Variants in ZNF735 observed in about 807,000 individuals in gnomAD.
ZNF735 encodes zinc finger protein 735.
A neutral mutation model predicts 13.4 loss-of-function variants in ZNF735; 11 were observed. That is an observed-to-expected ratio of 0.82 (90% CI 0.52 to 1.36). The LOEUF (loss-of-function observed/expected upper bound fraction) is 1.36, where lower values mean the gene tolerates loss of function less well. Ranked by LOEUF, ZNF735 falls within the 40% of genes most tolerant of loss-of-function variation. ZNF735 has a pLI of 0.00. For synonymous variants in ZNF735, 171 were observed against 162.6 expected (o/e 1.05, Z -0.39); for missense variants, 500 against 484.6 (o/e 1.03, Z -0.30).
chr7:64,207,754 C>G (rs141089539), intron 1 of ZNF735, among the ~76,000 whole-genome samples: 1 of 152,046 alleles, frequency 6.6e-6, no homozygotes, highest in African/African-American at 2.4e-5. Flanking sequence ...TTTGGGAGGC[C>G]GAGGCGGGCG....
chr7:64,216,251 G>A (rs182280246), intron 3 of ZNF735, among the ~76,000 whole-genome samples: 3 of 150,906 alleles, frequency 2.0e-5, no homozygotes, highest in East Asian at 1.9e-4. Context: ...AGCCAAGATC[G>A]CACCACTTCA....
intron 3 of ZNF735, among the ~76,000 whole-genome samples, chr7:64,218,670 C>A (rs1475793392): frequency 6.6e-6 from 1 of 151,720 alleles, no homozygotes; most frequent in Non-Finnish European, 1.5e-5. Flanking sequence ...TTTGATTGGA[C>A]CATGTTGCCC....
intron 1 of ZNF735, among the ~76,000 whole-genome samples, chr7:64,208,962 C>T (rs985014872): frequency 6.6e-6 from 1 of 152,216 alleles, no homozygotes; most frequent in Non-Finnish European, 1.5e-5. Flanking sequence ...TTTATCCAGT[C>T]TACCACTGAA....
rs184596869 is a variant in ZNF735, at chr7:64,207,784, C to T, written c.39+543C>T. ...CGGGCGGATCACGAGGTCAGGTGTT[C>T]GAGACCAGCATGACCAACATGGTAA... On this transcript the variant is annotated intron_variant, in intron 1 of 3. Coordinates refer to ENST00000429565, the Ensembl canonical transcript of ZNF735. 7.5e-3 allele frequency among the ~76,000 whole-genome samples: 1,142 copies of T among 152,178 alleles called. 9 individuals carry two copies. Among genetic ancestry groups the T allele is most frequent in the Non-Finnish European group, 0.011 (764 of 67,998 alleles).
chr7:64,209,147 C>T (rs1476891682), intron 1 of ZNF735, among the ~76,000 whole-genome samples: 1 of 151,110 alleles, frequency 6.6e-6, no homozygotes. Context: ...AACTGTTTTT[C>T]TCAATGGTTA....
intron 1 of ZNF735, among the ~76,000 whole-genome samples, chr7:64,209,938 T>C (rs1787336652): frequency 6.6e-6 from 1 of 152,214 alleles, no homozygotes; most frequent in East Asian, 1.9e-4. Context: ...AAGCTGATTA[T>C]TCAATTTTTA....
chr7:64,217,489 A>G (rs1199732727), intron 3 of ZNF735, among the ~76,000 whole-genome samples: 1 of 151,862 alleles, frequency 6.6e-6, no homozygotes, highest in Non-Finnish European at 1.5e-5. Context: ...TTGATTTTTT[A>G]TTTAAATTTT....
intron 3 of ZNF735, among the ~76,000 whole-genome samples, chr7:64,214,677 G>T (rs1388119397): frequency 6.6e-6 from 1 of 151,640 alleles, no homozygotes; most frequent in African/African-American, 2.4e-5. Context: ...TTGCTGTAGG[G>T]GGATATGCAA....
intron 3 of ZNF735, among the ~76,000 whole-genome samples, chr7:64,216,080 G>T (rs1171628440): frequency 6.6e-6 from 1 of 151,992 alleles, no homozygotes; most frequent in Admixed American, 6.6e-5. Flanking sequence ...TGGATCACGA[G>T]GTCAGGAGAT....
At chr7:64,209,218 C>T (rs1328972887) in intron 1 of ZNF735, among the ~76,000 whole-genome samples, 1 of 139,292 alleles carries the variant, frequency 7.2e-6, no homozygotes, top group Non-Finnish European at 1.6e-5. Flanking sequence ...ACCTCACAAG[C>T]ATCTGTTCCG....
intron 1 of ZNF735, among the ~76,000 whole-genome samples, chr7:64,209,801 A>G (rs1379114986): frequency 6.6e-6 from 1 of 152,180 alleles, no homozygotes; most frequent in Non-Finnish European, 1.5e-5. Context: ...GTTTAGTGAT[A>G]TACATTTTGT....
intron 3 of ZNF735, among the ~76,000 whole-genome samples, chr7:64,216,629 G>C (rs1307746798): frequency 6.6e-6 from 1 of 150,852 alleles, no homozygotes; most frequent in Non-Finnish European, 1.5e-5. Flanking sequence ...TTTGACACAG[G>C]GTTTCTCACT....
In ZNF735 at chr7:64,213,869, G is replaced by A. The variant is rs1787388925; in HGVS notation, c.167-144G>A. The A allele has an allele frequency of 3.2e-5, 21 of 650,374 alleles. No homozygotes were observed. In the South Asian group the frequency reaches 4.6e-4, roughly 14 times the overall value. The allele number at this position is 650,374 out of a possible 1,614,324, so 40.3% of individuals were successfully genotyped here. ...AGCTACTCAGGAGGCTGAGGCAGAA[G>A]CATTGCTTGCACCTGGGAAGTGGAG... is the stretch of plus-strand genomic sequence containing the variant. On this transcript the variant is annotated intron_variant, in intron 2 of 3. Transcript: ENST00000429565.
chr7:64,216,243 C>T (rs964947498), intron 3 of ZNF735, among the ~76,000 whole-genome samples: 6 of 151,650 alleles, frequency 4.0e-5, no homozygotes, highest in African/African-American at 1.5e-4. Context: ...TTGCAGTGAG[C>T]CAAGATCGCA....
rs1487303941 is a variant in ZNF735, at chr7:64,214,248, A to T, written c.262+140A>T. On this transcript the variant is annotated intron_variant, in intron 3 of 3. Coordinates refer to ENST00000429565, the Ensembl canonical transcript of ZNF735. ...GAAGCTTGAGTATTTTTTATTTTTT[A>T]TTTTTTTTATTTTTTTGCTCTCACA... The T allele has an allele frequency of 2.6e-5, 24 of 913,848 alleles. No homozygotes were observed. In the East Asian group the frequency reaches 5.1e-4, roughly 19 times the overall value. 56.6% of individuals were successfully genotyped at this position (913,848 alleles called of 1,614,324 possible). A position where few individuals can be genotyped will look rare whatever the true frequency, so the allele number is the denominator to read the frequency against.
At chr7:64,214,661 C>T (rs1016459669) in intron 3 of ZNF735, among the ~76,000 whole-genome samples, 2 of 151,690 alleles carry the variant, frequency 1.3e-5, no homozygotes, top group South Asian at 4.2e-4. Context: ...GGGTGGGTTA[C>T]GATACTTGCT....
In ZNF735 at chr7:64,219,690, C is replaced by A; in HGVS notation, c.639C>A (p.Tyr213Ter). The A allele has an allele frequency of 6.3e-7, 1 of 1,588,848 alleles. No individual in the cohort carries two copies. The highest frequency in any genetic ancestry group is 8.6e-7 in the Non-Finnish European group (1 of 1,166,212). ...TAATTCATACTAAGGAGAAGTCCTA[C>A]AAATGTGAAGAATGTGGCAAATCCT... The change falls in exon 4 of 4, where the codon TAC becomes TAA. Residue 213 changes from tyrosine to a stop codon, truncating the protein, a stop_gained. Transcript: ENST00000429565. LOFTEE classifies it low-confidence loss of function (END_TRUNC).
intron 1 of ZNF735, among the ~76,000 whole-genome samples, chr7:64,212,747 C>T (rs1584213767): frequency 6.7e-6 from 1 of 149,600 alleles, no homozygotes; most frequent in Admixed American, 6.7e-5. Context: ...GCCAAGATCA[C>T]GCTACTGCAC....
At chr7:64,216,694 T>C (rs1787426195) in intron 3 of ZNF735, among the ~76,000 whole-genome samples, 1 of 152,020 alleles carries the variant, frequency 6.6e-6, no homozygotes, top group East Asian at 1.9e-4. Flanking sequence ...CAACCTCAAC[T>C]TCCTGGACTC....
Sources: gnomAD v4.1 joint callset for allele counts (sites outside exome capture counted in the v4.1 genomes callset) on GRCh38, gnomAD v4.1.1 for gene constraint, MANE v1.5 for transcripts, NCBI Gene and HGNC (gene_info 2026-07-23, HGNC 2026-07-21) for gene names.